CHUK: variants seen among roughly 807,000 people sequenced by gnomAD.
CHUK encodes component of inhibitor of nuclear factor kappa B kinase complex.
Under a neutral mutation model 104.8 loss-of-function variants are expected in CHUK, and 35 were observed. The observed-to-expected ratio is 0.33, with a 90% CI of 0.26 to 0.44. CHUK has a LOEUF of 0.44. Ranked by LOEUF, CHUK falls within the 20% of genes least tolerant of loss-of-function variation. CHUK has a pLI of 1.00. For missense variants in CHUK, 663 were observed against 902.7 expected, an observed-to-expected ratio of 0.73 and a Z score of 3.40; for synonymous variants, 276 against 291.9, an observed-to-expected ratio of 0.95 and a Z score of 0.56.
chr10:100,225,803 A>T, intron 2 of CHUK, 120 bp downstream of exon 2: 1 of 669,536 alleles, frequency 1.5e-6, no homozygotes, highest in Non-Finnish European at 2.7e-6. Context: ...ATTTAATGAG[A>T]GAAAAAAATA....
chr10:100,223,644 C>T (rs1175263015), intron 2 of CHUK, among the ~76,000 whole-genome samples: 1 of 151,578 alleles, frequency 6.6e-6, no homozygotes, highest in African/African-American at 2.4e-5. Context: ...AAGAAGCAAA[C>T]AGAATTTCCA....
chr10:100,222,040 G>C (rs541979701), intron 4 of CHUK, 72 bp downstream of exon 4: 5 of 794,110 alleles, frequency 6.3e-6, no homozygotes, highest in Non-Finnish European at 1.1e-5. Context: ...CAATTCTCCT[G>C]AATTCCCAAA....
intron 9 of CHUK, among the ~76,000 whole-genome samples, chr10:100,212,743 G>A (rs568081055): frequency 4.0e-5 from 6 of 151,356 alleles, no homozygotes; most frequent in Admixed American, 6.6e-5. Flanking sequence ...GGTGGCTCAC[G>A]CCTGTAATCC....
chr10:100,220,554 A>G, intron 5 of CHUK, 34 bp downstream of exon 5: 3 of 1,360,188 alleles, frequency 2.2e-6, no homozygotes, highest in Admixed American at 1.7e-5. Flanking sequence ...ACTATATTCA[A>G]TAGGCATGAA....
chr10:100,219,652 T>C (rs1046286706), intron 5 of CHUK, among the ~76,000 whole-genome samples: 2 of 152,170 alleles, frequency 1.3e-5, no homozygotes, highest in South Asian at 2.1e-4. Flanking sequence ...GCTTGGTACA[T>C]GGTAAAAATT....
At chr10:100,213,798 A>G (rs1045893780) in intron 9 of CHUK, among the ~76,000 whole-genome samples, 7 of 152,208 alleles carry the variant, frequency 4.6e-5, no homozygotes, top group African/African-American at 1.7e-4. Context: ...CTGGGATTAC[A>G]GGCATGAGCC....
intron 16 of CHUK, among the ~76,000 whole-genome samples, chr10:100,197,768 A>T (rs897973824): frequency 3.9e-5 from 6 of 152,130 alleles, no homozygotes; most frequent in African/African-American, 1.4e-4. Context: ...GGTTACTGCT[A>T]CTTGAGATAC....
chr10:100,193,489 A>G, intron 18 of CHUK, 58 bp from the exon 19 acceptor site: 3 of 1,592,796 alleles, frequency 1.9e-6, no homozygotes, highest in Non-Finnish European at 2.6e-6. Flanking sequence ...GTTGATTCAC[A>G]CAATTTCTTA....
chr10:100,223,931 A>G (rs946568521), intron 2 of CHUK, among the ~76,000 whole-genome samples: 1 of 152,208 alleles, frequency 6.6e-6, no homozygotes, highest in Admixed American at 6.5e-5. Flanking sequence ...AAATATGTCT[A>G]CTTCTCTTTT....
intron 5 of CHUK, among the ~76,000 whole-genome samples, 172 bp from the exon 6 acceptor site, chr10:100,219,531 C>T (rs1845938383): frequency 6.6e-6 from 1 of 152,128 alleles, no homozygotes. Context: ...ATGTGATCTA[C>T]CAAGTTATTT....
chr10:100,223,749 A>G (rs980828887), intron 2 of CHUK, among the ~76,000 whole-genome samples: 4 of 152,216 alleles, frequency 2.6e-5, no homozygotes, highest in African/African-American at 9.6e-5. Context: ...TTAAGCACAG[A>G]TATTAGAGTC....
intron 8 of CHUK, among the ~76,000 whole-genome samples, chr10:100,218,353 G>A (rs1431306098): frequency 6.6e-6 from 1 of 152,054 alleles, no homozygotes; most frequent in Non-Finnish European, 1.5e-5. Flanking sequence ...CAACTCTGAC[G>A]GATGAGTCCA....
downstream of CHUK, chr10:100,187,487 A>G (rs1008503010): frequency 1.3e-4 from 20 of 152,240 alleles, no homozygotes; most frequent in African/African-American, 4.8e-4. Flanking sequence ...TTTAACTTCC[A>G]AAAAGCAAAA....
chr10:100,198,355 A>G (rs1250020472), intron 16 of CHUK, among the ~76,000 whole-genome samples: 1 of 152,220 alleles, frequency 6.6e-6, no homozygotes, highest in Non-Finnish European at 1.5e-5. Flanking sequence ...CCCATACTCA[A>G]GCGTTGAGAT....
In CHUK at chr10:100,193,433, T is replaced by G; in HGVS notation, c.1975-2A>C. 6.2e-7 allele frequency: 1 copy of G among 1,614,076 alleles called. No homozygotes were observed. The highest frequency in any genetic ancestry group is 1.3e-5 in the African/African-American group (1 of 75,028). Reference sequence around the variant, plus strand: ...AAGGGACCGGGCAGAACTCTGTGTCTGAAGGAAAAGAAAAAAACATCAAAA... The same window carrying G: ...AAGGGACCGGGCAGAACTCTGTGTCGGAAGGAAAAGAAAAAAACATCAAAA... On this transcript the variant is annotated splice_acceptor_variant, in intron 18 of 20. Coordinates refer to ENST00000370397, the MANE Select transcript of CHUK (RefSeq NM_001278.5). LOFTEE classifies it high-confidence loss of function.
At chr10:100,216,529 C>T (rs1845859083) in intron 9 of CHUK, among the ~76,000 whole-genome samples, 1 of 152,174 alleles carries the variant, frequency 6.6e-6, no homozygotes, top group Non-Finnish European at 1.5e-5. Context: ...CACAGTGAGA[C>T]CCCATTTCTA....
At chr10:100,194,903 A>C in intron 16 of CHUK, 1 of 161,892 alleles carries the variant, frequency 6.2e-6, no homozygotes, top group Non-Finnish European at 1.4e-5. Flanking sequence ...ACAGTAGGAC[A>C]ATTCATCAAA....
chr10:100,215,422 A>G (rs189543654), intron 9 of CHUK, among the ~76,000 whole-genome samples: 2 of 152,154 alleles, frequency 1.3e-5, no homozygotes, highest in African/African-American at 2.4e-5. Context: ...AAAGCTATAC[A>G]GTTGAAGAGG....
intron 1 of CHUK, among the ~76,000 whole-genome samples, chr10:100,228,952 C>A (rs1409389378): frequency 6.6e-6 from 1 of 151,352 alleles, no homozygotes; most frequent in African/African-American, 2.4e-5. Flanking sequence ...TACTCCAGTC[C>A]CCACTGATAT....
Sources: gnomAD v4.1 joint callset for allele counts (sites outside exome capture counted in the v4.1 genomes callset) on GRCh38, gnomAD v4.1.1 for gene constraint, MANE v1.5 for transcripts, NCBI Gene and HGNC (gene_info 2026-07-23, HGNC 2026-07-21) for gene names.